The following ADSL variants were observed in gnomAD, a reference collection of about 807,000 sequenced individuals.
ADSL encodes adenylosuccinate lyase, also known as adenylosuccinase.
In ADSL, 44 loss-of-function variants were observed where a neutral mutation model predicts 62.1. The observed-to-expected ratio is 0.71, with a 90% CI of 0.56 to 0.91. ADSL has a LOEUF of 0.91. ADSL is among the 40% of genes least tolerant of loss of function. The probability of loss-of-function intolerance (pLI) is 0.00; values close to 1 mark genes in which losing one functional copy is unlikely to be tolerated. For synonymous variants in ADSL, 198 were observed against 220.5 expected (o/e 0.90, Z 0.90); for missense variants, 531 against 627.4 (o/e 0.85, Z 1.64).
At chr22:40,361,216 C>G (rs540360032) in intron 7 of ADSL, 57 bp from the exon 8 acceptor site, 17 of 1,542,188 alleles carry the variant, frequency 1.1e-5, no homozygotes, top group African/African-American at 6.8e-5. Context: ...TCACAGCTCC[C>G]AGACTCTACT....
chr22:40,366,400 A>G (rs1405004974), intron 12 of ADSL, 36 bp from the exon 13 acceptor site: 2 of 1,467,306 alleles, frequency 1.4e-6, no homozygotes, highest in Admixed American at 3.3e-5. Context: ...ATATCTTAAC[A>G]TTTTCTTTTG....
chr22:40,363,189 G>A (rs2044861080), intron 10 of ADSL, 118 bp downstream of exon 10: 5 of 912,136 alleles, frequency 5.5e-6, no homozygotes, highest in African/African-American at 3.3e-5. Context: ...CTTCCCACCC[G>A]AGCTCATCCT....
intron 1 of ADSL, among the ~76,000 whole-genome samples, chr22:40,349,278 A>G (rs533180294): frequency 5.9e-4 from 90 of 152,162 alleles, no homozygotes; most frequent in African/African-American, 1.9e-3. Context: ...TTGATTCCAG[A>G]GAGCAGAATG....
At chr22:40,346,773 G>C in intron 1 of ADSL, 62 bp downstream of exon 1, 5 of 1,527,960 alleles carry the variant, frequency 3.3e-6, no homozygotes, top group Admixed American at 1.9e-5. Context: ...GCACGTGCCG[G>C]GCTCTGTTCC....
At chr22:40,355,115 T>C (rs2044502998) in intron 4 of ADSL, among the ~76,000 whole-genome samples, 2 of 152,164 alleles carry the variant, frequency 1.3e-5, no homozygotes, top group South Asian at 4.2e-4. Context: ...AATAGGAAAA[T>C]TAAATTTCTT....
rs118156412 is a variant in ADSL, at chr22:40,375,266, A to G, written c.89+8768A>G. On this transcript the variant is annotated intron_variant, in intron 2 of 2. Transcript: ENST00000498234. ...GGAATAATTAAACAGCTTTATCAAC[A>G]AGAGTAACTGATATCAGAAATTAGA... Among the ~76,000 whole-genome samples, 672 of 152,274 alleles carry G rather than the reference A, an allele frequency of 4.4e-3. 1 individual carries two copies. Among genetic ancestry groups the G allele is most frequent in the Non-Finnish European group, 7.5e-3 (513 of 68,018 alleles).
At chr22:40,356,220 A>G (rs1414082673) in intron 4 of ADSL, among the ~76,000 whole-genome samples, 1 of 148,508 alleles carries the variant, frequency 6.7e-6, no homozygotes, top group African/African-American at 2.5e-5. Context: ...AAAAGAAAAG[A>G]AAGAAAGAAA....
chr22:40,364,730 TG>T, intron 11 of ADSL, 149 bp from the exon 12 acceptor site: 1 of 811,236 alleles, frequency 1.2e-6, no homozygotes, highest in Non-Finnish European at 2.1e-6. Context: ...GAGAAGACCC[TG>T]GTACAGATAG....
intron 6 of ADSL, 26 bp from the exon 7 acceptor site, chr22:40,360,376 T>G: frequency 6.3e-7 from 1 of 1,588,058 alleles, no homozygotes; most frequent in Non-Finnish European, 8.6e-7. Flanking sequence ...TATTTTAACC[T>G]AAGTCTCTCT....
intron 2 of ADSL, among the ~76,000 whole-genome samples, chr22:40,378,759 T>C (rs370628787): frequency 6.6e-6 from 1 of 151,874 alleles, no homozygotes; most frequent in African/African-American, 2.4e-5. Context: ...AATAATAATC[T>C]AATGGGTTGT....
intron 6 of ADSL, 124 bp downstream of exon 6, chr22:40,359,430 T>C: frequency 1.1e-6 from 1 of 888,632 alleles, no homozygotes; most frequent in Non-Finnish European, 1.9e-6. Flanking sequence ...CCCATTTTTT[T>C]TTTTCCTGTC....
At chr22:40,359,568 T>TA (rs996982788) in intron 6 of ADSL, among the ~76,000 whole-genome samples, 16 of 151,326 alleles carry the variant, frequency 1.1e-4, no homozygotes, top group Non-Finnish European at 4.4e-5. Flanking sequence ...GACAGGGTCT[T>TA]ACTCTGTCAC....
In ADSL at chr22:40,361,375, T is replaced by C. The variant is rs1170928062; in HGVS notation, c.862+33T>C. ...CTGTGTAGAGACCTGTGAGCACACA[T>C]TGCTGCTGGAAGGCTGTGGATGGGG... On this transcript the variant is annotated intron_variant, in intron 8 of 12. Coordinates refer to ENST00000623063, the MANE Select transcript of ADSL (RefSeq NM_000026.4). The C allele has an allele frequency of 2.5e-6, 4 of 1,612,816 alleles. No homozygotes were observed. The South Asian group carries it at 4.4e-5, about 18-fold the overall frequency.
intron 4 of ADSL, among the ~76,000 whole-genome samples, chr22:40,358,420 C>CTTTGTTT (rs1305856840): frequency 1.3e-5 from 2 of 152,000 alleles, no homozygotes; most frequent in African/African-American, 4.8e-5. Context: ...CCCGTCACTA[C>CTTTGTTT]AAAAAATTTA....
rs1267132365 is a variant in ADSL at position 40,359,442 on chromosome 22, C to T, written c.701+136C>T. On this transcript the variant is annotated intron_variant, in intron 6 of 12. Coordinates refer to ENST00000623063, the MANE Select transcript of ADSL (RefSeq NM_000026.4). Reference sequence around the variant, plus strand: ...CTACCCATTTTTTTTTTTCCTGTCTCTATCCTGGGTTTTACTTTCTTACTA... The same window carrying T: ...CTACCCATTTTTTTTTTTCCTGTCTTTATCCTGGGTTTTACTTTCTTACTA... The T allele has an allele frequency of 2.0e-5, 13 of 640,854 alleles. 1 individual carries two copies. Among genetic ancestry groups the T allele is most frequent in the Non-Finnish European group, 3.0e-5 (11 of 362,218 alleles). The allele number at this position is 640,854 out of a possible 1,614,324, so 39.7% of individuals were successfully genotyped here. A position where few individuals can be genotyped will look rare whatever the true frequency, so the allele number is the denominator to read the frequency against.
intron 11 of ADSL, 87 bp downstream of exon 11, chr22:40,364,452 T>G: frequency 9.0e-7 from 1 of 1,110,212 alleles, no homozygotes; most frequent in South Asian, 1.3e-5. Flanking sequence ...GATGAAGGTG[T>G]TTATGTCATT....
At chr22:40,370,910 CTGCGTCCTCCGG>C (rs963060221), downstream of ADSL, among the ~76,000 whole-genome samples, 6 of 152,220 alleles carry the variant, frequency 3.9e-5, no homozygotes, top group African/African-American at 1.4e-4. Flanking sequence ...GGGAGGTCGG[CTGCGTCCTCCGG>C]TGCGGCCGCC....
Position 40,387,118 on chromosome 22 carries a change from G to A in ADSL, c.90-3112G>A, listed in dbSNP as rs1434165070. On this transcript the variant is annotated intron_variant, in intron 2 of 2. Transcript: ENST00000498234. ...AGTATGGTATAGTGAGACTGCTGAG[G>A]GGTCAGTCCTTTGCTGAGGTGTAAA... 1.0e-5 allele frequency: 4 copies of A among 397,412 alleles called. 1 individual carries two copies. In the East Asian group the frequency reaches 1.1e-4, roughly 11 times the overall value. 24.6% of individuals were successfully genotyped at this position (397,412 alleles called of 1,614,324 possible).
Position 40,346,628 on chromosome 22 carries a change from C to T in ADSL, c.70C>T (p.Pro24Ser), listed in dbSNP as rs754349909. The T allele has an allele frequency of 1.9e-6, 3 of 1,611,622 alleles. No individual in the cohort carries two copies. The highest frequency in any genetic ancestry group is 2.5e-6 in the Non-Finnish European group (3 of 1,179,070). ...ACCTCTTGCCTCCCGCTATGCCAGC[C>T]CGGAGATGTGCTTCGTGTTTAGCGA... is the stretch of plus-strand genomic sequence containing the variant. ...RSPLASRYAS[P>S]EMCFVFSDRY... Residue 24 changes from proline to serine, a missense_variant, in exon 1 of 13, where the codon CCG becomes TCG. Physicochemically the swap from Pro to Ser is moderately conservative, Grantham distance 74 (BLOSUM62 -1). Transcript: ENST00000623063.
Sources: gnomAD v4.1 joint callset for allele counts (sites outside exome capture counted in the v4.1 genomes callset) on GRCh38, gnomAD v4.1.1 for gene constraint, MANE v1.5 for transcripts, NCBI Gene and HGNC (gene_info 2026-07-23, HGNC 2026-07-21) for gene names.